The following MTPN variants were observed in gnomAD, a reference collection of about 807,000 sequenced individuals.
The protein encoded by MTPN is granule cell differentiation protein.
In MTPN, 2 loss-of-function variants were observed where a neutral mutation model predicts 13.5. The observed-to-expected ratio is 0.15, with a 90% CI of 0.06 to 0.47. MTPN has a LOEUF of 0.47. Ranked by LOEUF, MTPN falls within the 20% of genes least tolerant of loss-of-function variation. MTPN has a pLI of 0.97. For synonymous variants in MTPN, 46 were observed against 51.7 expected (o/e 0.89, Z 0.48); for missense variants, 79 against 137.9 (o/e 0.57, Z 2.14).
rs150788186 is a variant in MTPN, at chr7:135,952,903, G to A, written c.73-1273C>T. Among the ~76,000 whole-genome samples, 436 of 152,282 alleles carry A rather than the reference G, an allele frequency of 2.9e-3. 7 individuals carry two copies. The highest frequency in any genetic ancestry group is 9.6e-4 in the East Asian group (5 of 5,184). ...GAGCCCAGGAAGTTGAGGCTGCAGT[G>A]AGCCATGACCCTGCCACTACACTCC... On this transcript the variant is annotated intron_variant, in intron 1 of 3. Coordinates refer to ENST00000393085, the MANE Select transcript of MTPN (RefSeq NM_145808.4).
At chr7:135,976,927 T>TCCCCCCCCCCCC in intron 1 of MTPN, 102 bp downstream of exon 1, 6 of 410,730 alleles carry the variant, frequency 1.5e-5, no homozygotes, top group Admixed American at 2.6e-5. Flanking sequence ...AAGTCTCTCC[T>TCCCCCCCCCCCC]CCCGCCCACC....
At chr7:135,935,367 T>C (rs1799099932) in intron 3 of MTPN, among the ~76,000 whole-genome samples, 1 of 152,088 alleles carries the variant, frequency 6.6e-6, no homozygotes, top group African/African-American at 2.4e-5. Context: ...GCCTCCCGAG[T>C]AGCTGGGATT....
Position 135,930,030 on chromosome 7 carries a change from G to C in MTPN, c.271-18C>G. On this transcript the variant is annotated intron_variant, in intron 3 of 3. Transcript: ENST00000393085. ...TCAGCACCCTGGAAAAGAGAGGAAA[G>C]GGCTCATTAAATGAGCCCACAACTG... 6.2e-7 allele frequency: 1 copy of C among 1,606,842 alleles called. No individual in the cohort carries two copies. Among genetic ancestry groups the C allele is most frequent in the South Asian group, 1.1e-5 (1 of 91,030 alleles).
At chr7:135,936,811 AACAG>A (rs1799122203) in intron 3 of MTPN, among the ~76,000 whole-genome samples, 1 of 152,212 alleles carries the variant, frequency 6.6e-6, no homozygotes, top group African/African-American at 2.4e-5. Flanking sequence ...AAGTGACCCA[AACAG>A]ACAGGCTGTT....
chr7:135,929,931 G>GGAGAA lies in MTPN; in HGVS notation c.347_351dup (p.Gln118PhefsTer9), dbSNP rs1562927494. 6.2e-7 allele frequency: 1 copy of GGAGAA among 1,613,924 alleles called. No homozygotes were observed. Among genetic ancestry groups the GGAGAA allele is most frequent in the Admixed American group, 1.7e-5 (1 of 60,016 alleles). ...GTTATCAGTCCATCCATCCATCACTGGAGAAGAGCTTTGATTGCCTGGTTG... is the reference window on the plus strand; with the variant it reads ...GTTATCAGTCCATCCATCCATCACTGGAGAAGAGAAGAGCTTTGATTGCCTGGTTG... On this transcript the variant is annotated frameshift_variant, in exon 4 of 4. Transcript: ENST00000393085. LOFTEE classifies it high-confidence loss of function.
chr7:135,970,238 C>T lies in MTPN; in HGVS notation c.72+6791G>A, dbSNP rs1016768443. ...AGAAGTGTTTACAGAACTTTTTAAG[C>T]GGGAAAAACAGATGAGTAAGTAAAT... On this transcript the variant is annotated intron_variant, in intron 1 of 3. Coordinates refer to ENST00000393085, the MANE Select transcript of MTPN (RefSeq NM_145808.4). Among the ~76,000 whole-genome samples the T allele has an allele frequency of 5.3e-5, 8 of 152,022 alleles. No homozygotes were observed. In the South Asian group the frequency reaches 6.2e-4, roughly 12 times the overall value.
intron 3 of MTPN, among the ~76,000 whole-genome samples, chr7:135,949,225 C>A (rs1221432349): frequency 6.6e-6 from 1 of 152,164 alleles, no homozygotes. Flanking sequence ...TTATATAAAT[C>A]TTTCATAAAC....
chr7:135,948,048 GT>G (rs1350765497), intron 3 of MTPN, among the ~76,000 whole-genome samples: 1 of 152,110 alleles, frequency 6.6e-6, no homozygotes, highest in Non-Finnish European at 1.5e-5. Flanking sequence ...GTCTTTTCAA[GT>G]GAATTCATAA....
At chr7:135,957,412 G>C (rs1262829017) in intron 1 of MTPN, among the ~76,000 whole-genome samples, 1 of 151,928 alleles carries the variant, frequency 6.6e-6, no homozygotes. Context: ...ACCCAAGAAA[G>C]GTCTTAAGAT....
intron 1 of MTPN, among the ~76,000 whole-genome samples, chr7:135,958,379 C>T (rs1799475459): frequency 6.6e-6 from 1 of 152,130 alleles, no homozygotes; most frequent in Non-Finnish European, 1.5e-5. Flanking sequence ...CTGTTGCCTA[C>T]CAAACAGCTA....
intron 1 of MTPN, among the ~76,000 whole-genome samples, chr7:135,957,933 TA>T (rs1045016537): frequency 2.0e-5 from 3 of 152,144 alleles, no homozygotes; most frequent in Non-Finnish European, 2.9e-5. Context: ...TGCCCAATCT[TA>T]AACTTTCCTA....
intron 1 of MTPN, among the ~76,000 whole-genome samples, chr7:135,970,033 CAAAAGTTGTCAAGGTATATGTACAA>C (rs1239182129): frequency 6.6e-6 from 1 of 152,030 alleles, no homozygotes; most frequent in Admixed American, 6.6e-5. Context: ...GATATAGTCT[CAAAAGTTGTCAAGGTATATGTACAA>C]AGGTGATCAC....
At chr7:135,948,978 A>T (rs567212929) in intron 3 of MTPN, among the ~76,000 whole-genome samples, 2 of 152,290 alleles carry the variant, frequency 1.3e-5, no homozygotes, top group East Asian at 3.9e-4. Flanking sequence ...ATTTCTTTTG[A>T]GAGCTAGCAG....
intron 3 of MTPN, among the ~76,000 whole-genome samples, chr7:135,938,975 G>A (rs1455372574): frequency 6.6e-6 from 1 of 152,018 alleles, no homozygotes; most frequent in Non-Finnish European, 1.5e-5. Context: ...CCTTATAAAG[G>A]CTTTTTTTCC....
chr7:135,955,960 T>TTTCCTCCTAA (rs1799438310), intron 1 of MTPN, among the ~76,000 whole-genome samples: 1 of 152,202 alleles, frequency 6.6e-6, no homozygotes, highest in Admixed American at 6.5e-5. Flanking sequence ...GGTGAAAGAC[T>TTTCCTCCTAA]GAATGCTTTC....
At chr7:135,968,977 T>C (rs539134103) in intron 1 of MTPN, among the ~76,000 whole-genome samples, 8 of 151,348 alleles carry the variant, frequency 5.3e-5, no homozygotes, top group Non-Finnish European at 1.2e-4. Context: ...GTTCAAATTA[T>C]TAGTAAAGAG....
intron 1 of MTPN, among the ~76,000 whole-genome samples, chr7:135,956,022 T>G (rs1043771523): frequency 2.4e-4 from 36 of 152,176 alleles, no homozygotes; most frequent in African/African-American, 7.5e-4. Flanking sequence ...ACTTCAATGT[T>G]GCACTAGCGG....
chr7:135,927,370 A>G lies in MTPN; in HGVS notation c.*2556T>C. 1 of 1,550,168 alleles carries G rather than the reference A, an allele frequency of 6.5e-7. No homozygotes were observed. Among genetic ancestry groups the G allele is most frequent in the Non-Finnish European group, 8.7e-7 (1 of 1,145,704 alleles). On this transcript the variant is annotated 3_prime_UTR_variant, in exon 4 of 4. Coordinates refer to ENST00000393085, the MANE Select transcript of MTPN (RefSeq NM_145808.4). ...AGATAACAGTCTGAAGCTGCAAGGGAGACTTTGTTAGTACACTACTATAAA... is the reference window on the plus strand; with the variant it reads ...AGATAACAGTCTGAAGCTGCAAGGGGGACTTTGTTAGTACACTACTATAAA...
chr7:135,969,034 T>C (rs1218461865), intron 1 of MTPN, among the ~76,000 whole-genome samples: 1 of 143,710 alleles, frequency 7.0e-6, no homozygotes, highest in Non-Finnish European at 1.5e-5. Context: ...TATGTGGTGT[T>C]TGGTTTTTTG....
Sources: allele counts gnomAD v4.1 joint callset (sites outside exome capture counted in the v4.1 genomes callset), GRCh38; gene constraint gnomAD v4.1.1; transcripts MANE v1.5; gene names NCBI Gene and HGNC (gene_info 2026-07-23, HGNC 2026-07-21).